Variants in PHACTR3 observed in about 807,000 individuals in gnomAD.
PHACTR3 encodes the protein phosphatase and actin regulator 3.
PHACTR3 carries 16 observed loss-of-function variants against 66.8 expected under a neutral mutation model. The ratio of observed to expected loss-of-function variants is 0.24; its 90% confidence interval spans 0.16 to 0.36. PHACTR3 has a LOEUF of 0.36. Ranked by LOEUF, PHACTR3 falls within the 10% of genes least tolerant of loss-of-function variation. The pLI, the probability that PHACTR3 is intolerant of heterozygous loss-of-function variation, is 1.00. For missense variants in PHACTR3, 647 were observed against 719.9 expected, an observed-to-expected ratio of 0.90 and a Z score of 1.16; for synonymous variants, 323 against 292.1, an observed-to-expected ratio of 1.11 and a Z score of -1.08.
rs753413815 is a variant in PHACTR3 at position 59,747,773 on chromosome 20, T to C, written c.296T>C (p.Met99Thr). Reference protein sequence around the residue: ...KQTTSALEKKMAGRQGREELI... With the variant: ...KQTTSALEKKTAGRQGREELI... ...TGTTGGGCAGCGCTGGAGAAGAAGA[T>C]GGCCGGCAGGCAAGGCCGAGAGGAG... Residue 99 changes from methionine to threonine, a missense_variant, in exon 3 of 13, where the codon ATG becomes ACG. Around this residue, in one of 2 missense-constraint regions of PHACTR3, gnomAD observed 577 missense variants for 571.1 expected, o/e 1.01. Transcript: ENST00000371015. 1 of 1,613,962 alleles carries C rather than the reference T, an allele frequency of 6.2e-7. No individual in the cohort carries two copies.
intron 1 of PHACTR3, among the ~76,000 whole-genome samples, chr20:59,678,100 A>G (rs1164331612): frequency 6.6e-6 from 1 of 152,212 alleles, no homozygotes; most frequent in Non-Finnish European, 1.5e-5. Context: ...AGCCGAGCCC[A>G]TAGGTAGCTT....
rs116600931 is a variant in PHACTR3, at chr20:59,834,116, C to G, written c.1329-2389C>G. 5.2e-3 allele frequency among the ~76,000 whole-genome samples: 787 copies of G among 152,320 alleles called. 6 individuals carry two copies. Among genetic ancestry groups the G allele is most frequent in the East Asian group, 0.025 (130 of 5,178 alleles). On this transcript the variant is annotated intron_variant, in intron 8 of 12. Coordinates refer to ENST00000371015, the MANE Select transcript of PHACTR3 (RefSeq NM_080672.5). ...TCCCATTCCTATACACAGCCTCTCC[C>G]TCTTAGCCAGAGGAGCTGTGCAAAG...
At chr20:59,619,822 C>T (rs2034170874) in intron 1 of PHACTR3, among the ~76,000 whole-genome samples, 1 of 152,190 alleles carries the variant, frequency 6.6e-6, no homozygotes, top group African/African-American at 2.4e-5. Flanking sequence ...ACCTGGCTAC[C>T]CTGGCGGAGC....
At chr20:59,750,368 G>A (rs185001476) in intron 3 of PHACTR3, among the ~76,000 whole-genome samples, 6 of 152,242 alleles carry the variant, frequency 3.9e-5, no homozygotes, top group East Asian at 1.9e-4. Flanking sequence ...TGCGCTGGGC[G>A]TGGGACCCAG....
intron 1 of PHACTR3, 30 bp downstream of exon 1, chr20:59,605,162 G>GGGGGGGGGGGGGGGGGGGC: frequency 1.1e-6 from 1 of 923,118 alleles, no homozygotes; most frequent in Non-Finnish European, 1.5e-6. Flanking sequence ...CGGCGGGCGG[G>GGGGGGGGGGGGGGGGGGGC]TCGGGGAGGC....
At chr20:59,667,330 AGCAGGCCCT>A (rs1008491188) in intron 1 of PHACTR3, among the ~76,000 whole-genome samples, 68 of 152,246 alleles carry the variant, frequency 4.5e-4, no homozygotes, top group Non-Finnish European at 5.9e-5. Flanking sequence ...GAGTATAAGC[AGCAGGCCCT>A]GCCACCTGGG....
At chr20:59,814,939 C>G (rs2147032299) in intron 8 of PHACTR3, among the ~76,000 whole-genome samples, 1 of 152,142 alleles carries the variant, frequency 6.6e-6, no homozygotes, top group African/African-American at 2.4e-5. Context: ...CTGTTTGGAT[C>G]AAACAGGAGG....
At chr20:59,800,535 T>C (rs2041380639) in intron 7 of PHACTR3, among the ~76,000 whole-genome samples, 1 of 152,346 alleles carries the variant, frequency 6.6e-6, no homozygotes, top group East Asian at 1.9e-4. Flanking sequence ...TCATTCTCTT[T>C]GTTACTCTAT....
At chr20:59,800,760 C>T (rs1449031129) in intron 7 of PHACTR3, among the ~76,000 whole-genome samples, 1 of 152,028 alleles carries the variant, frequency 6.6e-6, no homozygotes, top group African/African-American at 2.4e-5. Context: ...TTTTTGTATT[C>T]CTATAAATAC....
intron 1 of PHACTR3, among the ~76,000 whole-genome samples, chr20:59,676,424 C>T (rs537412540): frequency 9.2e-5 from 14 of 152,298 alleles, no homozygotes; most frequent in Admixed American, 9.1e-4. Flanking sequence ...TCCACTGAGC[C>T]GGACCCTCAG....
chr20:59,803,344 T>C (rs1051932074), intron 7 of PHACTR3, among the ~76,000 whole-genome samples: 1 of 152,240 alleles, frequency 6.6e-6, no homozygotes, highest in African/African-American at 2.4e-5. Flanking sequence ...TTTGCCAGTT[T>C]TCTCTTTGCT....
At chr20:59,691,844 C>T (rs2146581932) in intron 1 of PHACTR3, among the ~76,000 whole-genome samples, 1 of 152,298 alleles carries the variant, frequency 6.6e-6, no homozygotes, top group East Asian at 1.9e-4. Flanking sequence ...GAATCCCCAA[C>T]CCTGAACCCA....
At chr20:59,693,714 C>G (rs1601120896) in intron 1 of PHACTR3, among the ~76,000 whole-genome samples, 1 of 152,274 alleles carries the variant, frequency 6.6e-6, no homozygotes, top group African/African-American at 2.4e-5. Context: ...GGCTGGGCCC[C>G]TGCATGCATC....
rs1294552688 is a variant in PHACTR3 at position 59,820,854 on chromosome 20, C to T, written c.1328+14660C>T. ...GGTGGTTTGGTGGACTTGGAGGCTGCCTGGCTGAGAGCCATGGGCTGAGTG... is the reference window on the plus strand; with the variant it reads ...GGTGGTTTGGTGGACTTGGAGGCTGTCTGGCTGAGAGCCATGGGCTGAGTG... On this transcript the variant is annotated intron_variant, in intron 8 of 12. Transcript: ENST00000371015. This position sits in a 1 kb window ranked among gnomAD's most constrained non-coding sequence, Gnocchi z 4.6. Among the ~76,000 whole-genome samples, 6 of 152,196 alleles carry T rather than the reference C, an allele frequency of 3.9e-5. No individual in the cohort carries two copies. Among genetic ancestry groups the T allele is most frequent in the Non-Finnish European group, 7.3e-5 (5 of 68,038 alleles).
chr20:59,763,512 C>T lies in PHACTR3; in HGVS notation c.542-3674C>T, dbSNP rs1191592328. ...TGAATGAGCAAGAGGGAAGGGAAGG[C>T]TCAGGAGAATTTTTTGTGGGGACCA... On this transcript the variant is annotated intron_variant, in intron 4 of 12. Coordinates refer to ENST00000371015, the MANE Select transcript of PHACTR3 (RefSeq NM_080672.5). 1.3e-5 allele frequency among the ~76,000 whole-genome samples: 2 copies of T among 152,192 alleles called. 1 individual carries two copies. The highest frequency in any genetic ancestry group is 1.3e-4 in the Admixed American group (2 of 15,282).
chr20:59,784,316 G>GTA (rs766319585), intron 7 of PHACTR3, among the ~76,000 whole-genome samples: 1,311 of 128,668 alleles, frequency 0.01, 17 homozygotes, highest in South Asian at 0.082. Context: ...GTGTGTGGAT[G>GTA]TATATATATA....
intron 7 of PHACTR3, among the ~76,000 whole-genome samples, chr20:59,776,176 C>T (rs1348987543): frequency 2.0e-5 from 3 of 152,142 alleles, no homozygotes; most frequent in Non-Finnish European, 2.9e-5. Context: ...GCAGCCAGGG[C>T]CCCTTACCGG....
rs1231296311 is a variant in PHACTR3, at chr20:59,816,147, A to G, written c.1328+9953A>G. On this transcript the variant is annotated intron_variant, in intron 8 of 12. Transcript: ENST00000371015. Reference sequence around the variant, plus strand: ...GTCCCATCTGGAGGTGATGGGAAACAGGGATGGATCATCAGGCATTAGATT... The same window carrying G: ...GTCCCATCTGGAGGTGATGGGAAACGGGGATGGATCATCAGGCATTAGATT... 2.6e-5 allele frequency among the ~76,000 whole-genome samples: 4 copies of G among 151,758 alleles called. No homozygotes were observed. The South Asian group carries it at 6.3e-4, about 24-fold the overall frequency.
At chr20:59,834,202 T>G (rs2042461489) in intron 8 of PHACTR3, among the ~76,000 whole-genome samples, 1 of 152,140 alleles carries the variant, frequency 6.6e-6, no homozygotes, top group Admixed American at 6.5e-5. Context: ...GCTTCAGGGA[T>G]TTTTCATTTC....
Sources: allele counts gnomAD v4.1 joint callset (sites outside exome capture counted in the v4.1 genomes callset), GRCh38; gene constraint gnomAD v4.1.1; regional missense constraint gnomAD v4.1.1; non-coding constraint Gnocchi (gnomAD v3.1); transcripts MANE v1.5; gene names NCBI Gene and HGNC (gene_info 2026-07-23, HGNC 2026-07-21).